Variants in SLC35F5 observed in about 807,000 individuals in gnomAD.
SLC35F5 encodes the protein HCV NS5A-transactivated protein 3.
In SLC35F5, 54 loss-of-function variants were observed where a neutral mutation model predicts 68.6. The ratio of observed to expected loss-of-function variants is 0.79; its 90% CI spans 0.63 to 0.99. The LOEUF is 0.99. SLC35F5 is among the 50% of genes least tolerant of loss of function. The pLI is 0.00. For synonymous variants in SLC35F5, 211 were observed against 205.2 expected, an observed-to-expected ratio of 1.03 and a Z score of -0.24; for missense variants, 567 against 626.9, an observed-to-expected ratio of 0.90 and a Z score of 1.02.
chr2:113,750,157 C>T (rs1395594390), intron 4 of SLC35F5, among the ~76,000 whole-genome samples: 1 of 152,088 alleles, frequency 6.6e-6, no homozygotes, highest in African/African-American at 2.4e-5. Flanking sequence ...TCTTCATTGC[C>T]ACATTAATTG....
chr2:113,726,454 AT>A (rs1398300939), intron 11 of SLC35F5, among the ~76,000 whole-genome samples: 8 of 152,194 alleles, frequency 5.3e-5, no homozygotes, highest in Non-Finnish European at 8.8e-5. Flanking sequence ...TATGTCACAA[AT>A]TTGCTATATG....
chr2:113,729,352 G>GT, intron 11 of SLC35F5, 49 bp downstream of exon 11: 1 of 965,520 alleles, frequency 1.0e-6, no homozygotes, highest in East Asian at 2.6e-5. Context: ...GCAAAACCCT[G>GT]TGTTAATCAT....
At chr2:113,750,664 A>G (rs1288269727) in intron 3 of SLC35F5, 96 bp from the exon 4 acceptor site, 2 of 1,105,248 alleles carry the variant, frequency 1.8e-6, no homozygotes, top group Non-Finnish European at 2.5e-6. Flanking sequence ...TTAACTCTTC[A>G]GAAGTTCACT....
At chr2:113,751,566 T>C (rs867635779) in intron 3 of SLC35F5, among the ~76,000 whole-genome samples, 13 of 152,000 alleles carry the variant, frequency 8.6e-5, no homozygotes, top group Non-Finnish European at 1.8e-4. Context: ...TCCCAGCACT[T>C]TGGGAGGCCG....
rs916106205 is a variant in SLC35F5, at chr2:113,756,442, C to G, written c.-33G>C. The G allele has an allele frequency of 1.3e-6, 2 of 1,540,018 alleles. No individual in the cohort carries two copies. The highest frequency in any genetic ancestry group is 1.7e-6 in the Non-Finnish European group (2 of 1,145,396). Reference sequence around the variant, plus strand: ...CCGGTCAGGCCCCGCAGCCGCCCAGCGCCACGGCCGCGGCCTCGGACTCAC... The same window carrying G: ...CCGGTCAGGCCCCGCAGCCGCCCAGGGCCACGGCCGCGGCCTCGGACTCAC... On this transcript the variant is annotated 5_prime_UTR_variant, in exon 1 of 16. Coordinates refer to ENST00000245680, the MANE Select transcript of SLC35F5 (RefSeq NM_025181.5).
chr2:113,734,486 T>G (rs536256613), intron 9 of SLC35F5, 100 bp downstream of exon 9: 5 of 672,774 alleles, frequency 7.4e-6, no homozygotes, highest in East Asian at 5.5e-5. Context: ...ATCCACATCT[T>G]TCTTTGCTCT....
Position 113,755,274 on chromosome 2 carries a change from C to T in SLC35F5, c.164G>A (p.Arg55Gln), listed in dbSNP as rs775870472. Reference sequence around the variant, plus strand: ...GAAACCACTGTTCTGGGAATTCATTCGGTTCATGACAAATACACACACCAT... The same window carrying T: ...GAAACCACTGTTCTGGGAATTCATTTGGTTCATGACAAATACACACACCAT... ...LQMVCVFVMN[R>Q]MNSQNSGFTQ... is the part of the protein sequence containing the mutation. The change falls in exon 3 of 16, where the codon CGA (arginine) becomes CAA (glutamine). Residue 55 changes from arginine (R) to glutamine (Q), a missense_variant. Arg to Gln is a conservative substitution (Grantham distance 43). Coordinates refer to ENST00000245680, the MANE Select transcript of SLC35F5 (RefSeq NM_025181.5). The T allele has an allele frequency of 6.2e-7, 1 of 1,614,054 alleles. No homozygotes were observed. Among genetic ancestry groups the T allele is most frequent in the Non-Finnish European group, 8.5e-7 (1 of 1,180,006 alleles).
chr2:113,738,369 T>C (rs914127403), intron 7 of SLC35F5, among the ~76,000 whole-genome samples: 6 of 152,182 alleles, frequency 3.9e-5, no homozygotes, highest in African/African-American at 9.6e-5. Flanking sequence ...ATGCCTGGCT[T>C]ATTTCATTTA....
At chr2:113,744,837 T>G (rs538464720) in intron 5 of SLC35F5, among the ~76,000 whole-genome samples, 1 of 152,264 alleles carries the variant, frequency 6.6e-6, no homozygotes, top group East Asian at 1.9e-4. Flanking sequence ...TAAAGCCAGG[T>G]TTGTCTAACC....
At chr2:113,745,676 G>GA (rs920156774) in intron 5 of SLC35F5, among the ~76,000 whole-genome samples, 1 of 151,542 alleles carries the variant, frequency 6.6e-6, no homozygotes, top group Non-Finnish European at 1.5e-5. Flanking sequence ...TCTCTAAAAA[G>GA]AAATCTAAAA....
At chr2:113,720,259 A>G (rs1003659117) in intron 13 of SLC35F5, among the ~76,000 whole-genome samples, 5 of 151,872 alleles carry the variant, frequency 3.3e-5, no homozygotes, top group Non-Finnish European at 5.9e-5. Context: ...TTTAAAAATA[A>G]TGATGAAAAT....
At chr2:113,717,151 A>T (rs553084347) in intron 15 of SLC35F5, among the ~76,000 whole-genome samples, 2 of 152,368 alleles carry the variant, frequency 1.3e-5, no homozygotes. Context: ...AAAATATTAA[A>T]TGTCATGTAC....
rs200611559 is a variant in SLC35F5 at position 113,752,298 on chromosome 2, C to CA, written c.274-1731dup. 3.4e-4 allele frequency among the ~76,000 whole-genome samples: 51 copies of CA among 149,492 alleles called. 1 individual carries two copies. The highest frequency in any genetic ancestry group is 1.4e-3 in the East Asian group (7 of 5,082). Reference sequence around the variant, plus strand: ...GCTAATAAATACAGAGGGAATAACTCAAAAAAAAATCACCATTTTGCAACC... The same window carrying CA: ...GCTAATAAATACAGAGGGAATAACTCAAAAAAAAAATCACCATTTTGCAACC... On this transcript the variant is annotated intron_variant, in intron 3 of 15. Transcript: ENST00000245680.
chr2:113,753,640 A>G (rs750171998), intron 3 of SLC35F5, among the ~76,000 whole-genome samples: 1 of 152,212 alleles, frequency 6.6e-6, no homozygotes, highest in Non-Finnish European at 1.5e-5. Context: ...TACAACTGAC[A>G]AACACCAAAT....
At chr2:113,753,732 T>G (rs999794088) in intron 3 of SLC35F5, among the ~76,000 whole-genome samples, 2 of 152,220 alleles carry the variant, frequency 1.3e-5, no homozygotes, top group African/African-American at 4.8e-5. Flanking sequence ...TGTTTTTTCC[T>G]TTCTACTTTG....
rs74436018 is a variant in SLC35F5 at position 113,706,724 on chromosome 2, G to A, written c.*8494C>T. Among the ~76,000 whole-genome samples the A allele has an allele frequency of 2.0e-5, 3 of 152,282 alleles. No individual in the cohort carries two copies. Among genetic ancestry groups the A allele is most frequent in the Non-Finnish European group, 2.9e-5 (2 of 68,018 alleles). ...GACTAAGGTGTGAAAGAATGAATGA[G>A]TGAAAATGTTTTAATAAAAGGAAAC... On this transcript the variant is annotated 3_prime_UTR_variant, in exon 16 of 16. Transcript: ENST00000245680.
intron 4 of SLC35F5, among the ~76,000 whole-genome samples, chr2:113,747,015 G>A (rs1414651590): frequency 6.6e-6 from 1 of 151,912 alleles, no homozygotes; most frequent in Admixed American, 6.6e-5. Context: ...GACCAAGCAC[G>A]GTGGCTCACA....
intron 7 of SLC35F5, 109 bp downstream of exon 7, chr2:113,742,583 G>A: frequency 8.8e-7 from 1 of 1,133,350 alleles, no homozygotes; most frequent in South Asian, 1.4e-5. Flanking sequence ...TTAAAGTCAT[G>A]ATTAAACAAC....
In SLC35F5 at chr2:113,719,316, T is replaced by C. The variant is rs1305780348; in HGVS notation, c.1342-8A>G. The C allele has an allele frequency of 6.5e-7, 1 of 1,546,036 alleles. No homozygotes were observed. Among genetic ancestry groups the C allele is most frequent in the East Asian group, 2.3e-5 (1 of 43,844 alleles). ...TAACCAAGAAAACTGCACCTAAAAA[T>C]AAAAGATAGAGGAAAAAACACACCC... On this transcript the variant is annotated splice_polypyrimidine_tract_variant and splice_region_variant and intron_variant, in intron 13 of 15. Coordinates refer to ENST00000245680, the MANE Select transcript of SLC35F5 (RefSeq NM_025181.5).
Sources: gnomAD v4.1 joint callset for allele counts (sites outside exome capture counted in the v4.1 genomes callset) on GRCh38, gnomAD v4.1.1 for gene constraint, MANE v1.5 for transcripts, NCBI Gene and HGNC (gene_info 2026-07-23, HGNC 2026-07-21) for gene names.